Variants in PRPF3 observed in about 807,000 individuals in gnomAD.
The protein encoded by PRPF3 is pre-mRNA processing factor 3, also known as U4/U6 small nuclear ribonucleoprotein Prp3.
In PRPF3, 3 loss-of-function variants were observed where a neutral mutation model predicts 89.2. The ratio of observed to expected loss-of-function variants is 0.03; its 90% CI spans 0.02 to 0.09. The LOEUF is 0.09. PRPF3 is among the 10% of genes least tolerant of loss of function. The pLI, the probability that PRPF3 is intolerant of heterozygous loss-of-function variation, is 1.00. For missense variants in PRPF3, 463 were observed against 828.8 expected (o/e 0.56, Z 5.42); for synonymous variants, 270 against 289.1 (o/e 0.93, Z 0.67).
chr1:150,324,891 T>TTTAGGTG lies in PRPF3; in HGVS notation c.-48-3_-48-2insTAGGTGT. On this transcript the variant is annotated splice_region_variant and splice_polypyrimidine_tract_variant and intron_variant, in intron 1 of 15. Coordinates refer to ENST00000324862, the MANE Select transcript of PRPF3 (RefSeq NM_004698.4). ...TCTCTAACTTGTCTCTTTTTTTTTTTTAGGTGTAGTATTGAGTCCTGTTTG... is the reference window on the plus strand; with the variant it reads ...TCTCTAACTTGTCTCTTTTTTTTTTTTTAGGTGTAGGTGTAGTATTGAGTCCTGTTTG... 1 of 1,579,494 alleles carries TTTAGGTG rather than the reference T, an allele frequency of 6.3e-7. No individual in the cohort carries two copies. The highest frequency in any genetic ancestry group is 1.8e-5 in the Admixed American group (1 of 54,648).
chr1:150,349,457 G>A (rs930738947), intron 15 of PRPF3, among the ~76,000 whole-genome samples: 5 of 152,174 alleles, frequency 3.3e-5, no homozygotes, highest in Admixed American at 2.0e-4. Flanking sequence ...AGTGCTGCTG[G>A]TAGCAGGAAT....
In PRPF3 at chr1:150,352,986, T is replaced by C; in HGVS notation, c.*7T>C. ...GTTAGAGTCCACTGATTGAGACTACTGCAAGCCCTTGCCTCTCCTCCCTTG... is the reference window on the plus strand; with the variant it reads ...GTTAGAGTCCACTGATTGAGACTACCGCAAGCCCTTGCCTCTCCTCCCTTG... On this transcript the variant is annotated 3_prime_UTR_variant, in exon 16 of 16. Coordinates refer to ENST00000324862, the MANE Select transcript of PRPF3 (RefSeq NM_004698.4). 6.2e-7 allele frequency: 1 copy of C among 1,613,946 alleles called. No individual in the cohort carries two copies. Among genetic ancestry groups the C allele is most frequent in the Non-Finnish European group, 8.5e-7 (1 of 1,179,932 alleles).
intron 7 of PRPF3, 146 bp from the exon 8 acceptor site, chr1:150,338,014 C>T (rs1560104095): frequency 6.7e-6 from 5 of 749,542 alleles, no homozygotes; most frequent in Non-Finnish European, 8.6e-6. Flanking sequence ...GTAGAGGTTG[C>T]TGTTAGCCAA....
At chr1:150,337,509 A>G (rs956246739) in intron 7 of PRPF3, among the ~76,000 whole-genome samples, 1 of 151,986 alleles carries the variant, frequency 6.6e-6, no homozygotes, top group Non-Finnish European at 1.5e-5. Context: ...AAAGAGTTCA[A>G]CGGGGAAGTG....
At chr1:150,343,030 C>T (rs147091303) in intron 9 of PRPF3, 84 of 160,496 alleles carry the variant, frequency 5.2e-4, no homozygotes, top group African/African-American at 1.8e-3. Context: ...TATTGCTGTC[C>T]GGGCCTGGTG....
intron 4 of PRPF3, among the ~76,000 whole-genome samples, chr1:150,332,096 C>T (rs587681013): frequency 2.0e-5 from 3 of 151,752 alleles, no homozygotes; most frequent in Non-Finnish European, 2.9e-5. Flanking sequence ...TGGTGGTGGG[C>T]GCCTATAGTC....
intron 12 of PRPF3, among the ~76,000 whole-genome samples, chr1:150,344,900 T>A (rs1052609523): frequency 1.6e-4 from 24 of 151,938 alleles, no homozygotes; most frequent in Admixed American, 1.1e-3. Flanking sequence ...TTTTTTTTTT[T>A]AAATGGTCTG....
chr1:150,328,061 G>T (rs1553864283), intron 3 of PRPF3: 1 of 471,268 alleles, frequency 2.1e-6, no homozygotes, highest in Non-Finnish European at 3.9e-6. Flanking sequence ...ATAAATGTGA[G>T]CAGTAGCATT....
In PRPF3 at chr1:150,336,723, T is replaced by C. The variant is rs377133321; in HGVS notation, c.1036-1437T>C. Among the ~76,000 whole-genome samples the C allele has an allele frequency of 1.6e-4, 25 of 152,066 alleles. 1 individual carries two copies. The East Asian group carries it at 4.6e-3, about 28-fold the overall frequency. On this transcript the variant is annotated intron_variant, in intron 7 of 15. Coordinates refer to ENST00000324862, the MANE Select transcript of PRPF3 (RefSeq NM_004698.4). ...GTGAGCTGAGATCGCACCACTGCACTCCAGCATGGGCAAAAGAGCGAAACT... is the reference window on the plus strand; with the variant it reads ...GTGAGCTGAGATCGCACCACTGCACCCCAGCATGGGCAAAAGAGCGAAACT...
intron 1 of PRPF3, among the ~76,000 whole-genome samples, chr1:150,322,888 T>TC (rs746494753): frequency 0.01 from 1,518 of 151,042 alleles, 21 homozygotes; most frequent in African/African-American, 0.034. Flanking sequence ...TTTTTTTTTT[T>TC]CCCCGGGACG....
intron 1 of PRPF3, among the ~76,000 whole-genome samples, chr1:150,323,173 C>CTGTTTTT (rs1655277338): frequency 2.1e-5 from 1 of 48,270 alleles, no homozygotes; most frequent in Non-Finnish European, 3.3e-5. Context: ...CCGCACCTGG[C>CTGTTTTT]TTTTTTTTTT....
At position 150,337,252 on chromosome 1, in the gene PRPF3, G is replaced by A. The variant is rs193261682; in HGVS notation, c.1036-908G>A. Among the ~76,000 whole-genome samples, 775 of 151,312 alleles carry A rather than the reference G, an allele frequency of 5.1e-3. 3 individuals carry two copies. The highest frequency in any genetic ancestry group is 0.014 in the Middle Eastern group (4 of 294). ...GACGGGGTTTCACCGTGTTAGCCAGGATGGTCTCGATCTCCTGACCTCATG... is the reference window on the plus strand; with the variant it reads ...GACGGGGTTTCACCGTGTTAGCCAGAATGGTCTCGATCTCCTGACCTCATG... On this transcript the variant is annotated intron_variant, in intron 7 of 15. Coordinates refer to ENST00000324862, the MANE Select transcript of PRPF3 (RefSeq NM_004698.4).
Position 150,344,502 on chromosome 1 carries a change from A to T in PRPF3, c.1595A>T (p.Lys532Met). Residue 532 changes from lysine (K) to methionine (M), a missense_variant, in exon 12 of 16, where the codon AAG becomes ATG. Physicochemically the swap from Lys to Met is moderately conservative, Grantham distance 95. This residue lies in a region of PRPF3 where 261 missense variants were observed against 475.8 expected (regional missense o/e 0.55). Coordinates refer to ENST00000324862, the MANE Select transcript of PRPF3 (RefSeq NM_004698.4). ...AEQRKVKKIK[K>M]LKEDISQGVH... The stretch of plus-strand genomic sequence containing the variant: ...CAGAGAAAGGTCAAGAAAATTAAAA[A>T]GCTTAAAGAAGACATTTCACAGGGG... 1 of 1,614,188 alleles carries T rather than the reference A, an allele frequency of 6.2e-7. No homozygotes were observed. The highest frequency in any genetic ancestry group is 8.5e-7 in the Non-Finnish European group (1 of 1,180,018).
At chr1:150,349,132 G>A in intron 14 of PRPF3, 25 bp from the exon 15 acceptor site, 2 of 1,601,264 alleles carry the variant, frequency 1.2e-6, no homozygotes, top group Middle Eastern at 3.3e-4. Context: ...TCAAGTCTAA[G>A]TCTGTAACAA....
intron 7 of PRPF3, among the ~76,000 whole-genome samples, chr1:150,336,289 A>C (rs1553867707): frequency 1.3e-5 from 2 of 151,886 alleles, no homozygotes. Context: ...TCCTCTGAGA[A>C]TCTCATGCCA....
rs10692607 is a variant in PRPF3 at position 150,351,667 on chromosome 1, A to ATTTTTTT, written c.1906-1146_1906-1140dup. Among the ~76,000 whole-genome samples the ATTTTTTT allele has an allele frequency of 1.9e-4, 18 of 94,442 alleles. 2 individuals are homozygous for ATTTTTTT. The highest frequency in any genetic ancestry group is 3.8e-4 in the South Asian group (1 of 2,610). 62.0% of individuals were successfully genotyped at this position (94,442 alleles called of 152,430 possible). A position where few individuals can be genotyped will look rare whatever the true frequency, so the allele number is the denominator to read the frequency against. ...AGGTCCACACCACTGTGCCTGGCTA[A>ATTTTTTT]TTTTTTTTTTTTTTTTTTTTTTTTT... On this transcript the variant is annotated intron_variant, in intron 15 of 15. Coordinates refer to ENST00000324862, the MANE Select transcript of PRPF3 (RefSeq NM_004698.4).
rs138359078 is a variant in PRPF3, at chr1:150,344,838, G to A, written c.1640+291G>A. Reference sequence around the variant, plus strand: ...CAGGCCAAGATGTGAACTAAAGATTGTATGTCCTTTGAGAACTATAAAATA... The same window carrying A: ...CAGGCCAAGATGTGAACTAAAGATTATATGTCCTTTGAGAACTATAAAATA... On this transcript the variant is annotated intron_variant, in intron 12 of 15. Coordinates refer to ENST00000324862, the MANE Select transcript of PRPF3 (RefSeq NM_004698.4). Among the ~76,000 whole-genome samples, 14 of 150,066 alleles carry A rather than the reference G, an allele frequency of 9.3e-5. No individual in the cohort carries two copies. The East Asian group carries it at 2.7e-3, about 29-fold the overall frequency.
chr1:150,344,777 C>T (rs587737799), intron 12 of PRPF3, among the ~76,000 whole-genome samples: 1 of 150,686 alleles, frequency 6.6e-6, no homozygotes, highest in African/African-American at 2.4e-5. Context: ...TTTTTTTTAC[C>T]AGAATATTAG....
At position 150,328,337 on chromosome 1, in the gene PRPF3, C is replaced by T. The variant is rs1365690518; in HGVS notation, c.294C>T (p.Asp98=). 6 of 1,613,920 alleles carry T rather than the reference C, an allele frequency of 3.7e-6. No individual in the cohort carries two copies. Among genetic ancestry groups the T allele is most frequent in the Non-Finnish European group, 5.1e-6 (6 of 1,180,000 alleles). Residue 98 remains aspartate, a synonymous_variant, in exon 4 of 16, where the codon GAC becomes GAT. Transcript: ENST00000324862. ...KRELKEVFGD[D]SEISKESSGV... The stretch of plus-strand genomic sequence containing the variant: ...TCCCTTAGGAGGTGTTTGGTGATGA[C>T]TCTGAGATCTCTAAAGAATCATCAG...
Sources: allele counts gnomAD v4.1 joint callset (sites outside exome capture counted in the v4.1 genomes callset), GRCh38; gene constraint gnomAD v4.1.1; regional missense constraint gnomAD v4.1.1; transcripts MANE v1.5; gene names NCBI Gene and HGNC (gene_info 2026-07-23, HGNC 2026-07-21).